CSMD2: variants seen among roughly 807,000 people sequenced by gnomAD.
CSMD2 encodes the protein CUB and sushi domain-containing protein 2.
Under a neutral mutation model 398.5 loss-of-function variants are expected in CSMD2, and 130 were observed. The observed-to-expected ratio is 0.33, with a 90% CI of 0.28 to 0.38. The LOEUF (loss-of-function observed/expected upper bound fraction) is 0.38. CSMD2 is among the 10% of genes least tolerant of loss of function. CSMD2 has a pLI of 1.00. For synonymous variants in CSMD2, 1,828 were observed against 1,908.5 expected (o/e 0.96, Z 1.10); for missense variants, 3,829 against 4,764.9 (o/e 0.80, Z 5.78).
chr1:33,753,772 A>G (rs752273401), intron 13 of CSMD2, among the ~76,000 whole-genome samples: 1 of 152,230 alleles, frequency 6.6e-6, no homozygotes, highest in East Asian at 1.9e-4. Context: ...CCATGCACCA[A>G]TGTGCCCAGG....
intron 15 of CSMD2, among the ~76,000 whole-genome samples, chr1:33,735,883 C>A (rs1244802832): frequency 6.6e-6 from 1 of 152,142 alleles, no homozygotes; most frequent in Non-Finnish European, 1.5e-5. Context: ...CAGAGCTCTA[C>A]CAAGGCTCAG....
In CSMD2 at chr1:33,603,856, G is replaced by A. The variant is rs111907563; in HGVS notation, c.6533-1310C>T. Among the ~76,000 whole-genome samples, 19 of 152,354 alleles carry A rather than the reference G, an allele frequency of 1.2e-4. 1 individual carries two copies. The highest frequency in any genetic ancestry group is 4.3e-4 in the African/African-American group (18 of 41,590). ...AGGCAAGGTAAGAGAGAGGAATGCTGTATGGGAAAGGAACAACATATGCTA... is the reference window on the plus strand; with the variant it reads ...AGGCAAGGTAAGAGAGAGGAATGCTATATGGGAAAGGAACAACATATGCTA... On this transcript the variant is annotated intron_variant, in intron 42 of 70. Coordinates refer to ENST00000373381, the MANE Select transcript of CSMD2 (RefSeq NM_001281956.2).
At chr1:33,879,424 G>A (rs1348527729) in intron 5 of CSMD2, among the ~76,000 whole-genome samples, 2 of 152,112 alleles carry the variant, frequency 1.3e-5, no homozygotes, top group African/African-American at 4.8e-5. Context: ...AACTGTTTCT[G>A]GATGGATGGA....
chr1:33,815,482 T>G (rs1657351246), intron 9 of CSMD2: 1 of 152,202 alleles, frequency 6.6e-6, no homozygotes, highest in South Asian at 2.1e-4. Flanking sequence ...AAATTAAAAG[T>G]TACCCAAAAA....
chr1:34,054,197 C>T (rs773088445), intron 2 of CSMD2, among the ~76,000 whole-genome samples: 4 of 152,210 alleles, frequency 2.6e-5, no homozygotes, highest in Admixed American at 1.3e-4. Context: ...TCTTCTCTTC[C>T]GAGATCCAAT....
intron 6 of CSMD2, among the ~76,000 whole-genome samples, chr1:33,830,699 G>A (rs1659440823): frequency 6.6e-6 from 1 of 152,234 alleles, no homozygotes; most frequent in Non-Finnish European, 1.5e-5. Context: ...GCCTTCAGAT[G>A]ATCAAACTAC....
intron 15 of CSMD2, among the ~76,000 whole-genome samples, chr1:33,732,770 G>T (rs2149226254): frequency 6.6e-6 from 1 of 152,336 alleles, no homozygotes; most frequent in East Asian, 1.9e-4. Flanking sequence ...GTTGTGCAAG[G>T]CAAAGAGGAA....
At position 33,717,484 on chromosome 1, in the gene CSMD2, C is replaced by T. The variant is rs184278532; in HGVS notation, c.3002-983G>A. On this transcript the variant is annotated intron_variant, in intron 19 of 70. Transcript: ENST00000373381. ...AGAAATAACATGACATCCAGTGGCA[C>T]GTCCACCTGAAGGATGGTGATGTCT... 1.3e-4 allele frequency among the ~76,000 whole-genome samples: 19 copies of T among 151,958 alleles called. No homozygotes were observed. The East Asian group carries it at 2.5e-3, about 20-fold the overall frequency.
chr1:33,794,088 C>T (rs969281683), intron 10 of CSMD2, among the ~76,000 whole-genome samples: 3 of 152,172 alleles, frequency 2.0e-5, no homozygotes, highest in Admixed American at 6.5e-5. Flanking sequence ...TTGTGGCTGA[C>T]GCCTTCTGCA....
chr1:33,654,779 C>G (rs115318179), intron 27 of CSMD2, among the ~76,000 whole-genome samples: 1 of 152,236 alleles, frequency 6.6e-6, no homozygotes, highest in Non-Finnish European at 1.5e-5. Flanking sequence ...GGGGGCACAA[C>G]GAGGCCTCCA....
At chr1:33,740,646 G>C (rs1647027724) in intron 14 of CSMD2, among the ~76,000 whole-genome samples, 1 of 152,156 alleles carries the variant, frequency 6.6e-6, no homozygotes, top group Non-Finnish European at 1.5e-5. Context: ...CCAGACTTGA[G>C]TCTCCCAACC....
At chr1:33,932,544 A>G (rs1260030744) in intron 4 of CSMD2, among the ~76,000 whole-genome samples, 1 of 152,138 alleles carries the variant, frequency 6.6e-6, no homozygotes, top group Non-Finnish European at 1.5e-5. Context: ...GAATGCCAGA[A>G]GAGTGGTATC....
At chr1:33,953,295 C>G (rs953087443) in intron 3 of CSMD2, among the ~76,000 whole-genome samples, 5 of 152,154 alleles carry the variant, frequency 3.3e-5, no homozygotes, top group African/African-American at 1.2e-4. Context: ...AAACACCTGC[C>G]CAGGACAGAT....
At chr1:33,601,900 T>A (rs986670232) in intron 43 of CSMD2, among the ~76,000 whole-genome samples, 3 of 152,222 alleles carry the variant, frequency 2.0e-5, no homozygotes, top group Non-Finnish European at 4.4e-5. Context: ...TTGGGCAGCA[T>A]AGACATAGAA....
chr1:33,946,191 C>T (rs1433943816), intron 3 of CSMD2, among the ~76,000 whole-genome samples: 1 of 152,194 alleles, frequency 6.6e-6, no homozygotes, highest in Non-Finnish European at 1.5e-5. Flanking sequence ...AATTTGACTA[C>T]ATAATCACTG....
intron 32 of CSMD2, among the ~76,000 whole-genome samples, chr1:33,631,226 G>T (rs1642449031): frequency 6.6e-6 from 1 of 152,082 alleles, no homozygotes; most frequent in South Asian, 2.1e-4. Context: ...CTAATACAAA[G>T]CAGGGTAAAC....
rs139484247 is a variant in CSMD2, at chr1:33,987,584, T to C, written c.517+45010A>G. ...TTAGATACCTCCCAGGAGCATCTCT[T>C]CCATCTCTGCTGTCAATTATAATTC... is the stretch of plus-strand genomic sequence containing the variant. On this transcript the variant is annotated intron_variant, in intron 3 of 70. Transcript: ENST00000373381. 6.6e-4 allele frequency among the ~76,000 whole-genome samples: 100 copies of C among 152,300 alleles called. 1 individual carries two copies. The highest frequency in any genetic ancestry group is 2.1e-3 in the African/African-American group (86 of 41,566).
At chr1:33,532,707 C>T (rs1231917953) in intron 64 of CSMD2, among the ~76,000 whole-genome samples, 1 of 152,134 alleles carries the variant, frequency 6.6e-6, no homozygotes, top group Non-Finnish European at 1.5e-5. Context: ...CCTGGTAACC[C>T]CAAGGGACCT....
chr1:33,608,587 G>A (rs1181889364), intron 41 of CSMD2, among the ~76,000 whole-genome samples: 1 of 152,210 alleles, frequency 6.6e-6, no homozygotes, highest in African/African-American at 2.4e-5. Flanking sequence ...GAGGTCACTA[G>A]GGTGGGCTCT....
Sources: allele counts gnomAD v4.1 joint callset (sites outside exome capture counted in the v4.1 genomes callset), GRCh38; gene constraint gnomAD v4.1.1; transcripts MANE v1.5; gene names NCBI Gene and HGNC (gene_info 2026-07-23, HGNC 2026-07-21).